Variants in CIMIP4 observed in about 807,000 individuals in gnomAD.
CIMIP4 encodes protein EAN57.
chr22:37,006,813 T>C, the CIMIP4 span, among the ~76,000 whole-genome samples: 1,005 of 152,306 alleles, frequency 6.6e-3, 14 homozygotes, highest in African/African-American at 0.023. Flanking sequence ...TAGTGATGAA[T>C]GGAATGTGGC....
At chr22:36,994,654 T>C in the CIMIP4 span, among the ~76,000 whole-genome samples, 13 of 117,878 alleles carry the variant, frequency 1.1e-4, no homozygotes, top group African/African-American at 4.0e-4. Context: ...TTTTTTGAGA[T>C]GGAGTCTTGC....
the CIMIP4 span, chr22:37,001,922 G>A: frequency 4.8e-5 from 78 of 1,613,518 alleles, no homozygotes; most frequent in East Asian, 8.9e-5. Context: ...CTTCTGGTTC[G>A]TGGGCGTGCT....
At chr22:36,999,093 A>T in the CIMIP4 span, among the ~76,000 whole-genome samples, 2 of 151,890 alleles carry the variant, frequency 1.3e-5, no homozygotes, top group Admixed American at 1.3e-4. Context: ...GGTGCCTGGG[A>T]TGGGGCTAGG....
the CIMIP4 span, among the ~76,000 whole-genome samples, chr22:37,005,091 G>A: frequency 6.6e-6 from 1 of 152,148 alleles, no homozygotes. Context: ...AGCAGCCCAT[G>A]GAGCAAGAAA....
At chr22:36,998,515 C>T in the CIMIP4 span, among the ~76,000 whole-genome samples, 4 of 152,094 alleles carry the variant, frequency 2.6e-5, no homozygotes, top group African/African-American at 7.2e-5. Flanking sequence ...GAAGCCCCTG[C>T]GTGCTGTGAC....
the CIMIP4 span, among the ~76,000 whole-genome samples, chr22:37,002,549 G>C: frequency 1.3e-5 from 2 of 152,202 alleles, no homozygotes; most frequent in African/African-American, 2.4e-5. Context: ...CCCACGGGCA[G>C]GGTTAGTCCA....
the CIMIP4 span, chr22:37,001,808 C>T: frequency 6.6e-7 from 1 of 1,505,928 alleles, no homozygotes; most frequent in Middle Eastern, 1.8e-4. Context: ...TAAGACTCTG[C>T]ATCACCCTCC....
chr22:37,006,434 G>A, the CIMIP4 span, among the ~76,000 whole-genome samples: 1 of 152,150 alleles, frequency 6.6e-6, no homozygotes, highest in African/African-American at 2.4e-5. Flanking sequence ...ATTTTGAATA[G>A]GAATGTCACT....
chr22:37,001,691 A>G, the CIMIP4 span: 1 of 780,320 alleles, frequency 1.3e-6, no homozygotes, highest in East Asian at 2.9e-5. Context: ...AAGTTTAAAC[A>G]GTGCACAGTG....
the CIMIP4 span, chr22:36,991,188 G>A: frequency 3.1e-6 from 5 of 1,613,948 alleles, no homozygotes; most frequent in Non-Finnish European, 4.2e-6. Context: ...ACTAGTACTT[G>A]GAGCTCTTGG....
the CIMIP4 span, among the ~76,000 whole-genome samples, chr22:36,996,450 T>C: frequency 6.8e-6 from 1 of 147,104 alleles, no homozygotes; most frequent in Admixed American, 6.9e-5. Context: ...AAAAAAGAGA[T>C]TCTCCTGAGT....
chr22:36,991,978 A>G, the CIMIP4 span, among the ~76,000 whole-genome samples: 1 of 152,242 alleles, frequency 6.6e-6, no homozygotes, highest in African/African-American at 2.4e-5. Context: ...TGCAATGATC[A>G]AGAGTCAGCA....
chr22:37,004,134 T>A, the CIMIP4 span: 22 of 1,000,184 alleles, frequency 2.2e-5, no homozygotes, highest in East Asian at 6.1e-4. Context: ...TGCCCGCCCC[T>A]GATCAGAGGT....
At chr22:37,003,663 C>T in the CIMIP4 span, among the ~76,000 whole-genome samples, 251 of 152,332 alleles carry the variant, frequency 1.6e-3, 1 homozygote, top group African/African-American at 5.9e-3. Flanking sequence ...CATGTTCCCC[C>T]ACAGCCCTGC....
the CIMIP4 span, chr22:36,991,212 T>G: frequency 6.2e-7 from 1 of 1,614,196 alleles, no homozygotes; most frequent in Non-Finnish European, 8.5e-7. Context: ...TGCTGTTTTC[T>G]CCATATTTCT....
chr22:37,003,633 A>G, the CIMIP4 span, among the ~76,000 whole-genome samples: 2 of 151,738 alleles, frequency 1.3e-5, no homozygotes, highest in South Asian at 4.2e-4. Flanking sequence ...CCTCCCATCC[A>G]TTGAGGCCAG....
the CIMIP4 span, among the ~76,000 whole-genome samples, chr22:36,998,392 G>T: frequency 6.6e-6 from 1 of 152,128 alleles, no homozygotes; most frequent in African/African-American, 2.4e-5. Context: ...GGTGGAAGAG[G>T]TTTGTCAGGC....
the CIMIP4 span, chr22:37,003,842 T>C: frequency 3.2e-6 from 3 of 939,490 alleles, no homozygotes; most frequent in East Asian, 6.2e-5. Context: ...CCTGGGCCGA[T>C]GGTGGGTCTG....
the CIMIP4 span, chr22:36,991,368 A>G: frequency 2.4e-5 from 37 of 1,552,664 alleles, no homozygotes; most frequent in South Asian, 3.7e-4. Context: ...TACCTCTTCC[A>G]AGTCCACCCC....
Sources: allele counts gnomAD v4.1 joint callset (sites outside exome capture counted in the v4.1 genomes callset), GRCh38; gene constraint gnomAD v4.1.1; transcripts MANE v1.5; gene names NCBI Gene and HGNC (gene_info 2026-07-23, HGNC 2026-07-21).